Variants in ARHGAP6 observed in about 807,000 individuals in gnomAD.
ARHGAP6 encodes the protein Rho GTPase activating protein 6.
Under a neutral mutation model 55.7 loss-of-function variants are expected in ARHGAP6, and 16 were observed. The observed-to-expected ratio is 0.29, with a 90% CI of 0.19 to 0.44. The LOEUF (loss-of-function observed/expected upper bound fraction) is 0.44. Among genes scored for constraint, ARHGAP6 ranks in the 20% least tolerant of loss-of-function variants. ARHGAP6 has a pLI of 1.00. For synonymous variants in ARHGAP6, 382 were observed against 360.9 expected, an observed-to-expected ratio of 1.06 and a Z score of -0.66; for missense variants, 698 against 808.9, an observed-to-expected ratio of 0.86 and a Z score of 1.66.
At chrX:11,304,386 G>A (rs746134083) in intron 1 of ARHGAP6, among the ~76,000 whole-genome samples, 1 of 111,263 alleles carries the variant, frequency 9.0e-6, no homozygotes, top group East Asian at 2.8e-4. Context: ...CACCATGCCC[G>A]GCCCATGTCT....
intron 1 of ARHGAP6, chrX:11,318,653 C>A (rs1468311257): frequency 8.9e-6 from 1 of 112,766 alleles, no homozygotes; most frequent in Non-Finnish European, 1.9e-5. Flanking sequence ...CCATTACTTT[C>A]CATGGCAAAA....
At chrX:11,550,194 A>G (rs764232573) in intron 1 of ARHGAP6, among the ~76,000 whole-genome samples, 6 of 111,827 alleles carry the variant, frequency 5.4e-5, no homozygotes, top group Admixed American at 9.5e-5. Context: ...ATTTGCTAAG[A>G]GCTTCTACAC....
At chrX:11,142,386 T>G in intron 11 of ARHGAP6, 73 bp from the exon 12 acceptor site, 1 of 705,192 alleles carries the variant, frequency 1.4e-6, no homozygotes. Context: ...TTTAATAACA[T>G]CTCTTCTGTG....
intron 1 of ARHGAP6, among the ~76,000 whole-genome samples, chrX:11,493,600 G>T (rs970514404): frequency 1.8e-5 from 2 of 111,354 alleles, no homozygotes; most frequent in African/African-American, 6.5e-5. Flanking sequence ...TTGGGGTATG[G>T]ACAATAGGGT....
chrX:11,298,999 A>T, intron 1 of ARHGAP6: 1 of 1,202,452 alleles, frequency 8.3e-7, no homozygotes. Flanking sequence ...AGCCACTACA[A>T]TGCAAATCCT....
intron 1 of ARHGAP6, among the ~76,000 whole-genome samples, chrX:11,392,937 C>T (rs749716513): frequency 2.7e-5 from 3 of 111,672 alleles, no homozygotes; most frequent in Non-Finnish European, 5.6e-5. Context: ...TTTGTCCCAA[C>T]CCTACACCCT....
chrX:11,507,723 T>C (rs748831236), intron 1 of ARHGAP6, among the ~76,000 whole-genome samples: 2 of 111,375 alleles, frequency 1.8e-5, no homozygotes, highest in Non-Finnish European at 1.9e-5. Context: ...CAGGCAGACA[T>C]GTGTATTTAA....
chrX:11,294,635 A>G lies in ARHGAP6; in HGVS notation c.589-39928T>C, dbSNP rs1320677998. On this transcript the variant is annotated intron_variant, in intron 1 of 12. Transcript: ENST00000337414. ...ATAGGCTGAGAGCTGGAAATCACAT[A>G]TGACTGAAGTAAATTCACAAACAAT... The G allele has an allele frequency of 6.2e-6, 4 of 647,050 alleles. No individual in the cohort carries two copies. In the African/African-American group the frequency reaches 6.5e-5, roughly 11 times the overall value. 53.3% of individuals were successfully genotyped at this position (647,050 alleles called of 1,213,427 possible).
At chrX:11,391,335 G>C (rs1250528202) in intron 1 of ARHGAP6, among the ~76,000 whole-genome samples, 1 of 110,747 alleles carries the variant, frequency 9.0e-6, no homozygotes, top group Non-Finnish European at 1.9e-5. Flanking sequence ...GAGGAGGGAG[G>C]GATAGCATTA....
chrX:11,543,536 G>A (rs1380134449), intron 1 of ARHGAP6, among the ~76,000 whole-genome samples: 3 of 112,233 alleles, frequency 2.7e-5, no homozygotes, highest in Non-Finnish European at 5.6e-5. Context: ...AGTTCCTAAT[G>A]TCAATAGTGC....
chrX:11,375,264 C>T (rs1179041079), intron 1 of ARHGAP6, among the ~76,000 whole-genome samples: 1 of 112,092 alleles, frequency 8.9e-6, no homozygotes, highest in African/African-American at 3.2e-5. Context: ...TCATTATCAG[C>T]AACATCATTC....
chrX:11,584,034 G>C (rs1181687353), intron 1 of ARHGAP6, among the ~76,000 whole-genome samples: 4 of 111,737 alleles, frequency 3.6e-5, no homozygotes, highest in African/African-American at 1.3e-4. Context: ...CTATGCCAAA[G>C]TGTTATTATA....
At chrX:11,355,386 T>C (rs2048919124) in intron 1 of ARHGAP6, among the ~76,000 whole-genome samples, 1 of 112,111 alleles carries the variant, frequency 8.9e-6, no homozygotes, top group Non-Finnish European at 1.9e-5. Flanking sequence ...TGACAAACCT[T>C]TGAAATCCAT....
intron 1 of ARHGAP6, among the ~76,000 whole-genome samples, chrX:11,269,036 C>T (rs1016396352): frequency 2.7e-5 from 3 of 111,721 alleles, no homozygotes; most frequent in African/African-American, 9.8e-5. Context: ...AAGGAAGAAG[C>T]AGCCCAGGTT....
intron 1 of ARHGAP6, among the ~76,000 whole-genome samples, chrX:11,407,549 A>G (rs1430850149): frequency 1.8e-5 from 2 of 112,115 alleles, no homozygotes; most frequent in South Asian, 7.5e-4. Context: ...CTCTATGCTT[A>G]ACTTTTTGAG....
At chrX:11,358,203 G>A (rs781159359) in intron 1 of ARHGAP6, among the ~76,000 whole-genome samples, 21 of 111,787 alleles carry the variant, frequency 1.9e-4, no homozygotes, top group Admixed American at 2.8e-4. Context: ...ATGTGTTGTC[G>A]CAGGAATCAT....
chrX:11,226,755 G>T (rs1023358673), intron 2 of ARHGAP6, among the ~76,000 whole-genome samples: 4 of 111,993 alleles, frequency 3.6e-5, no homozygotes, highest in African/African-American at 1.3e-4. Context: ...AAGTAGGCAA[G>T]TGTTGACTAC....
At chrX:11,184,012 G>A (rs766486224) in intron 5 of ARHGAP6, among the ~76,000 whole-genome samples, 44 of 111,528 alleles carry the variant, frequency 3.9e-4, no homozygotes, top group Middle Eastern at 4.6e-3. Flanking sequence ...GCTGCTAACC[G>A]CCATTTGAAG....
chrX:11,210,394 AC>A (rs1346767521), intron 2 of ARHGAP6, among the ~76,000 whole-genome samples: 2 of 112,649 alleles, frequency 1.8e-5, no homozygotes, highest in Non-Finnish European at 3.7e-5. Context: ...GAGGAGTCTG[AC>A]TTTTTTTTCT....
Sources: allele counts gnomAD v4.1 joint callset (sites outside exome capture counted in the v4.1 genomes callset), GRCh38; gene constraint gnomAD v4.1.1; transcripts MANE v1.5; gene names NCBI Gene and HGNC (gene_info 2026-07-23, HGNC 2026-07-21).